TMEM131: variants seen among roughly 807,000 people sequenced by gnomAD.
TMEM131 encodes transmembrane protein 131.
TMEM131 carries 66 observed loss-of-function variants against 211.6 expected under a neutral mutation model. The observed-to-expected ratio is 0.31, with a 90% confidence interval of 0.26 to 0.38. The LOEUF (loss-of-function observed/expected upper bound fraction) is 0.38, where lower values mean the gene tolerates loss of function less well. TMEM131 is among the 10% of genes least tolerant of loss of function. The pLI is 1.00. For missense variants in TMEM131, 2,036 were observed against 2,299.3 expected, an observed-to-expected ratio of 0.89 and a Z score of 2.34; for synonymous variants, 844 against 841.3, an observed-to-expected ratio of 1.00 and a Z score of -0.06.
At chr2:97,912,662 T>C (rs1001722777) in intron 2 of TMEM131, among the ~76,000 whole-genome samples, 3 of 152,164 alleles carry the variant, frequency 2.0e-5, no homozygotes, top group Non-Finnish European at 2.9e-5. Flanking sequence ...AAAATATGTA[T>C]ATGCATGTGA....
At chr2:97,860,539 A>C (rs1472074149) in intron 4 of TMEM131, among the ~76,000 whole-genome samples, 1 of 152,244 alleles carries the variant, frequency 6.6e-6, no homozygotes, top group Non-Finnish European at 1.5e-5. Context: ...ACTTCATTTT[A>C]TATTTCGTTC....
chr2:97,932,794 A>G (rs1483171102), intron 1 of TMEM131, among the ~76,000 whole-genome samples: 1 of 149,992 alleles, frequency 6.7e-6, no homozygotes, highest in Non-Finnish European at 1.5e-5. Flanking sequence ...TACTGGAACT[A>G]TAGCCCAAAA....
chr2:97,866,576 T>G (rs1386880508), intron 4 of TMEM131, among the ~76,000 whole-genome samples: 1 of 152,186 alleles, frequency 6.6e-6, no homozygotes, highest in Non-Finnish European at 1.5e-5. Flanking sequence ...AGTTGGCTCT[T>G]TTGCTAGTTT....
Position 97,967,067 on chromosome 2 carries a change from G to A in TMEM131, c.187+28409C>T, listed in dbSNP as rs528857545. Among the ~76,000 whole-genome samples the A allele has an allele frequency of 9.9e-5, 15 of 152,222 alleles. 1 individual carries two copies. In the Middle Eastern group the frequency reaches 0.017, roughly 173 times the overall value. ...AAACAAACGGCACACTTCTTAGATG[G>A]GGGCGGTGAGTCAGATGGAACTTAT... On this transcript the variant is annotated intron_variant, in intron 1 of 40. Transcript: ENST00000186436.
At chr2:97,955,232 T>A (rs1285893470) in intron 1 of TMEM131, among the ~76,000 whole-genome samples, 1 of 152,178 alleles carries the variant, frequency 6.6e-6, no homozygotes, top group Non-Finnish European at 1.5e-5. Context: ...CATATGATCA[T>A]GTCAATTGAT....
chr2:97,822,359 G>A (rs192316384), intron 11 of TMEM131, among the ~76,000 whole-genome samples: 39 of 152,218 alleles, frequency 2.6e-4, no homozygotes, highest in Admixed American at 1.6e-3. Context: ...CCTCAGAAAC[G>A]ATATCCTTCC....
At chr2:97,967,021 A>AAAACAAACAAAC (rs140987291) in intron 1 of TMEM131, among the ~76,000 whole-genome samples, 75 of 152,018 alleles carry the variant, frequency 4.9e-4, no homozygotes, top group Admixed American at 7.9e-4. Flanking sequence ...CCCACCACCT[A>AAAACAAACAAAC]AAACAAACAA....
chr2:97,933,891 A>T (rs1677333014), intron 1 of TMEM131, among the ~76,000 whole-genome samples: 1 of 152,156 alleles, frequency 6.6e-6, no homozygotes, highest in Admixed American at 6.6e-5. Flanking sequence ...AGAAATGTAG[A>T]ACTACCTCAA....
At chr2:97,976,753 T>C (rs548691216) in intron 1 of TMEM131, among the ~76,000 whole-genome samples, 2 of 152,214 alleles carry the variant, frequency 1.3e-5, no homozygotes, top group Admixed American at 1.3e-4. Flanking sequence ...GTAACTATAA[T>C]ACAGCTGCAG....
chr2:97,945,322 T>C (rs910841846), intron 1 of TMEM131, among the ~76,000 whole-genome samples: 8 of 152,166 alleles, frequency 5.3e-5, no homozygotes, highest in Non-Finnish European at 1.2e-4. Context: ...GTGACTCCTA[T>C]TGTATAAAGG....
chr2:97,986,330 T>C (rs1680026509), intron 1 of TMEM131, among the ~76,000 whole-genome samples: 1 of 151,908 alleles, frequency 6.6e-6, no homozygotes, highest in South Asian at 2.1e-4. Flanking sequence ...AAATGGGGAA[T>C]AGGGGCAGGA....
At chr2:97,965,069 G>A (rs1303387283) in intron 1 of TMEM131, among the ~76,000 whole-genome samples, 2 of 152,176 alleles carry the variant, frequency 1.3e-5, no homozygotes. Context: ...TCCGCGGCAT[G>A]CCACAGGTTG....
Position 97,805,156 on chromosome 2 carries a change from A to G in TMEM131, c.2334T>C (p.Asp778=), listed in dbSNP as rs990231001. 1.2e-6 allele frequency: 2 copies of G among 1,613,800 alleles called. No homozygotes were observed. Among genetic ancestry groups the G allele is most frequent in the African/African-American group, 2.7e-5 (2 of 74,912 alleles). Residue 778 remains aspartate (D), a synonymous_variant, in exon 22 of 41, where the codon GAT becomes GAC. Transcript: ENST00000186436. ...GGCTTTGATGCAAATCCCAGTCAGC[A>G]TCCCACATATCTTCCTGCATGGCTA... The part of the protein sequence containing the change: ...PGVAMQEDMW[D]ADWDLHQSLF...
intron 2 of TMEM131, among the ~76,000 whole-genome samples, chr2:97,925,691 T>C (rs1476521691): frequency 1.3e-5 from 2 of 152,190 alleles, no homozygotes; most frequent in Non-Finnish European, 2.9e-5. Flanking sequence ...GAATAAATTA[T>C]TTAACTTCCA....
chr2:97,761,974 T>C (rs759750022), intron 36 of TMEM131, 61 bp downstream of exon 36: 30 of 1,476,962 alleles, frequency 2.0e-5, no homozygotes, highest in Non-Finnish European at 2.7e-5. Flanking sequence ...ATTTAAAGGG[T>C]GTGACATCGG....
chr2:97,956,690 A>AT (rs968547277), intron 1 of TMEM131, among the ~76,000 whole-genome samples: 21 of 126,332 alleles, frequency 1.7e-4, no homozygotes, highest in South Asian at 6.5e-4. Flanking sequence ...TGTAAACTAG[A>AT]TTTTTTTTTT....
chr2:97,818,715 G>A lies in TMEM131; in HGVS notation c.1081C>T (p.Arg361Ter). The A allele has an allele frequency of 6.3e-7, 1 of 1,593,944 alleles. No individual in the cohort carries two copies. The highest frequency in any genetic ancestry group is 8.6e-7 in the Non-Finnish European group (1 of 1,167,134). Reference protein sequence around the residue: ...GTKDVPITSVRPTPQNDAITV... With the variant: ...GTKDVPITSV ...ATAGCATCATTTTGTGGTGTAGGTC[G>A]AACACTCTGCAAAGAGAACAAAAAT... is the stretch of plus-strand genomic sequence containing the variant. Residue 361 changes from arginine to a stop codon, truncating the protein, a stop_gained, in exon 12 of 41, where the codon CGA (arginine) becomes TGA (stop). Coordinates refer to ENST00000186436, the MANE Select transcript of TMEM131 (RefSeq NM_015348.2). LOFTEE classifies it high-confidence loss of function.
chr2:97,805,737 T>A (rs781336779), intron 19 of TMEM131, 34 bp from the exon 20 acceptor site: 1 of 1,542,990 alleles, frequency 6.5e-7, no homozygotes, highest in Non-Finnish European at 8.7e-7. Flanking sequence ...AACTCATTTG[T>A]ATATGGTTAA....
At chr2:97,800,723 C>T (rs143723242) in intron 25 of TMEM131, among the ~76,000 whole-genome samples, 1,634 of 151,876 alleles carry the variant, frequency 0.011, 31 homozygotes, top group African/African-American at 0.038. Context: ...CACCATTGCA[C>T]TCCAGCCTGG....
Sources: allele counts gnomAD v4.1 joint callset (sites outside exome capture counted in the v4.1 genomes callset), GRCh38; gene constraint gnomAD v4.1.1; transcripts MANE v1.5; gene names NCBI Gene and HGNC (gene_info 2026-07-23, HGNC 2026-07-21).